Variants in ARHGAP26 observed in about 807,000 individuals in gnomAD.
ARHGAP26 encodes the protein rho GTPase-activating protein 26.
Under a neutral mutation model 104.8 loss-of-function variants are expected in ARHGAP26, and 38 were observed. The observed-to-expected ratio is 0.36, with a 90% CI of 0.28 to 0.48. The LOEUF (loss-of-function observed/expected upper bound fraction) is 0.48. ARHGAP26 is among the 20% of genes least tolerant of loss of function. ARHGAP26 has a pLI of 0.99. For missense variants in ARHGAP26, 704 were observed against 947.9 expected (o/e 0.74, Z 3.38); for synonymous variants, 341 against 340.0 (o/e 1.00, Z -0.03).
Position 143,014,108 on chromosome 5 carries a change from G to A in ARHGAP26, c.1136G>A (p.Ser379Asn). 4 of 1,614,162 alleles carry A rather than the reference G, an allele frequency of 2.5e-6. No homozygotes were observed. Among genetic ancestry groups the A allele is most frequent in the Non-Finnish European group, 3.4e-6 (4 of 1,180,010 alleles). Residue 379 changes from serine to asparagine, a missense_variant, in exon 12 of 23, where the codon AGT (serine) becomes AAT (asparagine). By Grantham distance (46) the Ser-to-Asn change is conservative. Around this residue, in one of 6 missense-constraint regions of ARHGAP26, gnomAD observed 287 missense variants for 438.8 expected, o/e 0.65. Coordinates refer to ENST00000645722, the MANE Select transcript of ARHGAP26 (RefSeq NM_001135608.3). Reference sequence around the variant, plus strand: ...TACAACTCGAACAAAGACAGCCAGAGTGAAGGGAGTAAGTACGATGCTTGG... The same window carrying A: ...TACAACTCGAACAAAGACAGCCAGAATGAAGGGAGTAAGTACGATGCTTGG... ...PVYNSNKDSQ[S>N]EGTAQLDSIG...
chr5:142,964,216 A>T (rs1027828356), intron 11 of ARHGAP26, among the ~76,000 whole-genome samples: 1 of 152,216 alleles, frequency 6.6e-6, no homozygotes, highest in Non-Finnish European at 1.5e-5. Context: ...ATGAAGACAT[A>T]AAAAAGATAA....
chr5:142,916,823 T>C (rs1762542367), intron 10 of ARHGAP26, among the ~76,000 whole-genome samples: 1 of 152,134 alleles, frequency 6.6e-6, no homozygotes, highest in Non-Finnish European at 1.5e-5. Context: ...AGGCAACTGG[T>C]AGTATCAGAG....
At chr5:143,212,675 A>G (rs1300796027) in intron 21 of ARHGAP26, among the ~76,000 whole-genome samples, 5 of 152,212 alleles carry the variant, frequency 3.3e-5, no homozygotes, top group African/African-American at 1.2e-4. Context: ...TGGCCCAGCA[A>G]TAAATTCGAG....
intron 11 of ARHGAP26, among the ~76,000 whole-genome samples, chr5:142,954,224 T>C (rs1166888678): frequency 6.6e-6 from 1 of 152,184 alleles, no homozygotes; most frequent in African/African-American, 2.4e-5. Flanking sequence ...TTAGGCCCCA[T>C]ATATGGGATT....
At chr5:143,178,963 G>A (rs779200651) in intron 20 of ARHGAP26, among the ~76,000 whole-genome samples, 4 of 151,754 alleles carry the variant, frequency 2.6e-5, no homozygotes, top group East Asian at 1.9e-4. Flanking sequence ...TCCGCCTCCC[G>A]GGTTCAAGCG....
chr5:142,878,647 A>C (rs1046212626), intron 3 of ARHGAP26, among the ~76,000 whole-genome samples: 1 of 152,176 alleles, frequency 6.6e-6, no homozygotes, highest in Non-Finnish European at 1.5e-5. Context: ...AGGCCTCCCT[A>C]AAGAGGTGAC....
At chr5:142,947,066 C>T (rs1271489137) in intron 11 of ARHGAP26, 1 of 138,358 alleles carries the variant, frequency 7.2e-6, no homozygotes, top group Non-Finnish European at 1.5e-5. Flanking sequence ...AGCAAGGTTC[C>T]CCACTTTCTA....
intron 20 of ARHGAP26, among the ~76,000 whole-genome samples, chr5:143,205,379 A>G (rs1808402233): frequency 6.6e-6 from 1 of 152,274 alleles, no homozygotes; most frequent in Admixed American, 6.5e-5. Context: ...CTCTTATATG[A>G]ATGCCATCTG....
intron 19 of ARHGAP26, among the ~76,000 whole-genome samples, chr5:143,146,664 C>T (rs958292419): frequency 1.3e-5 from 2 of 152,206 alleles, no homozygotes; most frequent in African/African-American, 4.8e-5. Flanking sequence ...GTACATGGAG[C>T]TAGAGGCAAC....
intron 17 of ARHGAP26, among the ~76,000 whole-genome samples, chr5:143,064,274 T>C (rs1159373900): frequency 6.6e-6 from 1 of 152,066 alleles, no homozygotes; most frequent in East Asian, 1.9e-4. Flanking sequence ...GGCCGTGTTG[T>C]AGGCATTTGG....
At chr5:142,771,318 C>A (rs74894836) in intron 1 of ARHGAP26, 29,658 of 1,232,984 alleles carry the variant, frequency 0.024, 754 homozygotes, top group African/African-American at 0.11. Context: ...CCTTGAGTGC[C>A]CAACCGTGAG....
At chr5:142,971,725 A>T (rs905195813) in intron 11 of ARHGAP26, among the ~76,000 whole-genome samples, 3 of 152,178 alleles carry the variant, frequency 2.0e-5, no homozygotes, top group African/African-American at 2.4e-5. Context: ...GCATTTCAGG[A>T]AACCAAAAGC....
intron 11 of ARHGAP26, among the ~76,000 whole-genome samples, chr5:143,005,025 A>AT (rs1170145006): frequency 6.6e-6 from 1 of 152,114 alleles, no homozygotes; most frequent in African/African-American, 2.4e-5. Context: ...TTTGTTGCAC[A>AT]TTTTTCTCCT....
intron 1 of ARHGAP26, among the ~76,000 whole-genome samples, chr5:142,828,224 G>A (rs1353521873): frequency 2.6e-5 from 4 of 152,162 alleles, no homozygotes; most frequent in Non-Finnish European, 4.4e-5. Context: ...TAAAAATTAC[G>A]AGTGTTGTCC....
rs1388881264 is a variant in ARHGAP26 at position 142,770,856 on chromosome 5, C to T, written c.95C>T (p.Thr32Ile). The change falls in exon 1 of 23, where the codon ACC becomes ATC. Residue 32 changes from threonine to isoleucine, a missense_variant. Thr to Ile is a moderately conservative substitution (Grantham distance 89, BLOSUM62 -1). Transcript: ENST00000645722. ...LKSHEAELDK[T>I]NKFIKELIKD... is the part of the protein sequence containing the mutation. ...TCGCACGAAGCAGAGCTGGACAAGA[C>T]CAACAAATTCATCAAGGAGCTCATC... 6.2e-7 allele frequency: 1 copy of T among 1,611,802 alleles called. No individual in the cohort carries two copies.
chr5:143,055,147 T>C (rs1011014553), intron 15 of ARHGAP26, among the ~76,000 whole-genome samples: 1 of 152,238 alleles, frequency 6.6e-6, no homozygotes, highest in Non-Finnish European at 1.5e-5. Flanking sequence ...ATATTTATGC[T>C]GGACTTGAAG....
At position 142,857,689 on chromosome 5, in the gene ARHGAP26, G is replaced by A. The variant is rs115111223; in HGVS notation, c.155-15711G>A. ...TTTTCCACGGTTCTTCTCTCCTCTG[G>A]GAACAGTTTCCTGCTGCTTTCTTGG... On this transcript the variant is annotated intron_variant, in intron 1 of 22. Coordinates refer to ENST00000645722, the MANE Select transcript of ARHGAP26 (RefSeq NM_001135608.3). Among the ~76,000 whole-genome samples the A allele has an allele frequency of 9.7e-4, 147 of 152,244 alleles. 1 individual carries two copies. Among genetic ancestry groups the A allele is most frequent in the African/African-American group, 3.4e-3 (143 of 41,548 alleles).
At chr5:142,914,669 G>C (rs1271624073) in intron 10 of ARHGAP26, among the ~76,000 whole-genome samples, 1 of 152,140 alleles carries the variant, frequency 6.6e-6, no homozygotes, top group East Asian at 1.9e-4. Flanking sequence ...AGGTGTGAGA[G>C]GGGAAGGTAA....
chr5:142,810,491 CTCTT>C (rs1030321712), intron 1 of ARHGAP26, among the ~76,000 whole-genome samples: 1 of 152,166 alleles, frequency 6.6e-6, no homozygotes, highest in African/African-American at 2.4e-5. Context: ...TCTCCCCCAT[CTCTT>C]TCTTTTTTGT....
Sources: allele counts gnomAD v4.1 joint callset (sites outside exome capture counted in the v4.1 genomes callset), GRCh38; gene constraint gnomAD v4.1.1; regional missense constraint gnomAD v4.1.1; transcripts MANE v1.5; gene names NCBI Gene and HGNC (gene_info 2026-07-23, HGNC 2026-07-21).